NUAK1: variants seen among roughly 807,000 people sequenced by gnomAD.
The protein encoded by NUAK1 is NUAK family kinase 1, also known as NUAK family SNF1-like kinase 1.
Under a neutral mutation model 56.9 loss-of-function variants are expected in NUAK1, and 26 were observed. The ratio of observed to expected loss-of-function variants is 0.46; its 90% confidence interval spans 0.33 to 0.63. The LOEUF (loss-of-function observed/expected upper bound fraction) is 0.63, where lower values mean the gene tolerates loss of function less well. Ranked by LOEUF, NUAK1 falls within the 30% of genes least tolerant of loss-of-function variation. The pLI is 0.02. For missense variants in NUAK1, 727 were observed against 876.1 expected, an observed-to-expected ratio of 0.83 and a Z score of 2.15; for synonymous variants, 337 against 336.0, an observed-to-expected ratio of 1.00 and a Z score of -0.03.
chr12:106,113,400 A>G (rs2032884566), intron 1 of NUAK1, among the ~76,000 whole-genome samples: 1 of 152,132 alleles, frequency 6.6e-6, no homozygotes, highest in Non-Finnish European at 1.5e-5. Flanking sequence ...CTATCTGTCC[A>G]AGGGTGGTGA....
At chr12:106,094,053 C>T (rs1156263823) in intron 2 of NUAK1, among the ~76,000 whole-genome samples, 1 of 152,120 alleles carries the variant, frequency 6.6e-6, no homozygotes, top group Non-Finnish European at 1.5e-5. Context: ...AAGCCATCCG[C>T]CCACCTCAGC....
chr12:106,086,589 G>T, intron 3 of NUAK1, 145 bp downstream of exon 3: 2 of 737,358 alleles, frequency 2.7e-6, no homozygotes, highest in Non-Finnish European at 1.9e-6. Context: ...CCAGAATCAC[G>T]GGTGATGGTA....
chr12:106,138,690 G>A lies in NUAK1; in HGVS notation c.-37C>T, dbSNP rs746619716. The stretch of plus-strand genomic sequence containing the variant: ...GGGCGAGCCGGGCTACAGAGGGCAA[G>A]ACCGGGCACAGCGCTGGGATGTCGG... On this transcript the variant is annotated 5_prime_UTR_variant, in exon 1 of 7. Coordinates refer to ENST00000261402, the MANE Select transcript of NUAK1 (RefSeq NM_014840.3). This position sits in a 1 kb window ranked among gnomAD's most constrained non-coding sequence, Gnocchi z 5.0. 2.0e-6 allele frequency: 3 copies of A among 1,473,198 alleles called. No individual in the cohort carries two copies. The highest frequency in any genetic ancestry group is 4.9e-5 in the East Asian group (2 of 41,034). The allele number at this position is 1,473,198 out of a possible 1,614,324, so 91.3% of individuals were successfully genotyped here.
At chr12:106,101,571 C>G (rs2032748384) in intron 2 of NUAK1, among the ~76,000 whole-genome samples, 3 of 152,130 alleles carry the variant, frequency 2.0e-5, no homozygotes, top group Admixed American at 6.5e-5. Context: ...ATCTATAAGC[C>G]AAGGAGAGAG....
At chr12:106,101,473 A>G (rs1045510558) in intron 2 of NUAK1, among the ~76,000 whole-genome samples, 7 of 152,146 alleles carry the variant, frequency 4.6e-5, no homozygotes, top group Admixed American at 2.0e-4. Context: ...CCCTAATCCA[A>G]TATGACTGGT....
At chr12:106,098,044 C>T (rs897868277) in intron 2 of NUAK1, among the ~76,000 whole-genome samples, 4 of 152,158 alleles carry the variant, frequency 2.6e-5, no homozygotes, top group Admixed American at 6.5e-5. Flanking sequence ...GGGCTGGGGG[C>T]GATGCCGTGT....
rs1456280917 is a variant in NUAK1, at chr12:106,064,333, C to T, written c.*2469G>A. 1 of 152,176 alleles carries T rather than the reference C, an allele frequency of 6.6e-6. No homozygotes were observed. Among genetic ancestry groups the T allele is most frequent in the Admixed American group, 6.5e-5 (1 of 15,282 alleles). The allele number at this position is 152,176 out of a possible 1,614,324, so 9.4% of individuals were successfully genotyped here. ...CAGAGCTAAGCGGGGCTTCAGGTAC[C>T]AGCTAATTCATCCCTCCAGCCCTCA... On this transcript the variant is annotated 3_prime_UTR_variant, in exon 7 of 7. Coordinates refer to ENST00000261402, the MANE Select transcript of NUAK1 (RefSeq NM_014840.3).
intron 1 of NUAK1, among the ~76,000 whole-genome samples, chr12:106,136,704 GTC>G (rs1383327446): frequency 6.6e-6 from 1 of 152,140 alleles, no homozygotes; most frequent in Admixed American, 6.5e-5. Flanking sequence ...CTCGAACTGC[GTC>G]TGTTTTTCAT....
At chr12:106,132,691 TCCAACAAACAGA>T (rs1479360644) in intron 1 of NUAK1, among the ~76,000 whole-genome samples, 2 of 152,052 alleles carry the variant, frequency 1.3e-5, no homozygotes, top group African/African-American at 4.8e-5. Flanking sequence ...CTCCTCGAGG[TCCAACAAACAGA>T]CCAACAAACA....
intron 4 of NUAK1, among the ~76,000 whole-genome samples, chr12:106,082,399 CAG>C (rs2032526408): frequency 6.6e-6 from 1 of 152,216 alleles, no homozygotes; most frequent in Non-Finnish European, 1.5e-5. Flanking sequence ...AAACTAAACA[CAG>C]AGTGTCTCAT....
intron 4 of NUAK1, among the ~76,000 whole-genome samples, chr12:106,080,967 A>G (rs1358855821): frequency 2.0e-5 from 3 of 152,236 alleles, no homozygotes; most frequent in African/African-American, 7.2e-5. Flanking sequence ...ATGTTTCAGC[A>G]AAATGCTGAG....
chr12:106,067,119 G>A lies in NUAK1; in HGVS notation c.1669C>T (p.Pro557Ser). 1.2e-6 allele frequency: 2 copies of A among 1,614,218 alleles called. No individual in the cohort carries two copies. The highest frequency in any genetic ancestry group is 1.7e-6 in the Non-Finnish European group (2 of 1,180,040). ...TAGCTCCGGGAGAGGCCCTCGGCAG[G>A]GACACCAGGCTCTGACAGGGATTCC... ...TLESLSEPGV[P>S]AEGLSRSYSR... Residue 557 changes from proline to serine, a missense_variant, in exon 7 of 7, where the codon CCT becomes TCT. Transcript: ENST00000261402. This position sits in a 1 kb window ranked among gnomAD's most constrained non-coding sequence, Gnocchi z 6.0.
At chr12:106,107,088 G>A (rs1210821514) in intron 1 of NUAK1, among the ~76,000 whole-genome samples, 1 of 152,062 alleles carries the variant, frequency 6.6e-6, no homozygotes, top group Non-Finnish European at 1.5e-5. Flanking sequence ...CCTTCCTCTT[G>A]CCCAAGCCAC....
chr12:106,079,128 T>C lies in NUAK1; in HGVS notation c.579+4736A>G, dbSNP rs75375499. Among the ~76,000 whole-genome samples, 1,059 of 152,254 alleles carry C rather than the reference T, an allele frequency of 7.0e-3. 18 individuals are homozygous for C. Among genetic ancestry groups the C allele is most frequent in the African/African-American group, 0.024 (1,002 of 41,534 alleles). ...TTAGCTGCAAGAGCTTCCTCTTCTGTAAAATGATGTAATCACACCCACCCC... is the reference window on the plus strand; with the variant it reads ...TTAGCTGCAAGAGCTTCCTCTTCTGCAAAATGATGTAATCACACCCACCCC... On this transcript the variant is annotated intron_variant, in intron 4 of 6. Coordinates refer to ENST00000261402, the MANE Select transcript of NUAK1 (RefSeq NM_014840.3).
chr12:106,074,449 C>G (rs1315862380), intron 4 of NUAK1, among the ~76,000 whole-genome samples: 17 of 152,124 alleles, frequency 1.1e-4, no homozygotes, highest in Non-Finnish European at 5.9e-5. Context: ...ACTCATTTAA[C>G]AGATGAGGAA....
intron 4 of NUAK1, among the ~76,000 whole-genome samples, chr12:106,073,270 C>T (rs187524260): frequency 4.6e-5 from 7 of 152,214 alleles, no homozygotes; most frequent in Non-Finnish European, 7.4e-5. Flanking sequence ...GCTGCATCTG[C>T]GGTGGTGTGC....
At chr12:106,118,980 A>T (rs893744305) in intron 1 of NUAK1, among the ~76,000 whole-genome samples, 3 of 152,238 alleles carry the variant, frequency 2.0e-5, no homozygotes, top group African/African-American at 7.2e-5. Context: ...ATAATAATGC[A>T]AGTTGCTTTC....
At chr12:106,069,272 C>T (rs900623712) in intron 6 of NUAK1, among the ~76,000 whole-genome samples, 1 of 152,188 alleles carries the variant, frequency 6.6e-6, no homozygotes, top group African/African-American at 2.4e-5. Flanking sequence ...CATATGTATT[C>T]ACAGCGGAGG....
chr12:106,096,867 T>C (rs183164830), intron 2 of NUAK1, among the ~76,000 whole-genome samples: 9 of 152,344 alleles, frequency 5.9e-5, no homozygotes, highest in Admixed American at 6.5e-5. Context: ...TCAATTAAAC[T>C]GGAATTTTTG....
Sources: allele counts gnomAD v4.1 joint callset (sites outside exome capture counted in the v4.1 genomes callset), GRCh38; gene constraint gnomAD v4.1.1; non-coding constraint Gnocchi (gnomAD v3.1); transcripts MANE v1.5; gene names NCBI Gene and HGNC (gene_info 2026-07-23, HGNC 2026-07-21).